The following XKR4 variants were observed in gnomAD, a reference collection of about 807,000 sequenced individuals.
XKR4 encodes the protein XK related 4, also known as XK-related protein 4.
In XKR4, 12 loss-of-function variants were observed where a neutral mutation model predicts 53.9. That is an observed-to-expected ratio of 0.22 (90% confidence interval 0.14 to 0.36). XKR4 has a LOEUF of 0.36. Among genes scored for constraint, XKR4 ranks in the 10% least tolerant of loss-of-function variants. XKR4 has a pLI of 1.00. For missense variants in XKR4, 799 were observed against 859.5 expected, an observed-to-expected ratio of 0.93 and a Z score of 0.88; for synonymous variants, 354 against 362.4, an observed-to-expected ratio of 0.98 and a Z score of 0.26.
At chr8:55,250,945 A>G (rs1222642696) in intron 1 of XKR4, among the ~76,000 whole-genome samples, 2 of 152,218 alleles carry the variant, frequency 1.3e-5, no homozygotes, top group Non-Finnish European at 2.9e-5. Context: ...ATCCTTATCT[A>G]TGGGAGAACC....
intron 1 of XKR4, chr8:55,142,211 G>A (rs1816716298): frequency 2.2e-6 from 1 of 455,822 alleles, no homozygotes; most frequent in Non-Finnish European, 4.4e-6. Context: ...CTGGTCAAAC[G>A]GCAGAACTTC....
chr8:55,469,903 A>C (rs989026289), intron 2 of XKR4, among the ~76,000 whole-genome samples: 1 of 152,124 alleles, frequency 6.6e-6, no homozygotes, highest in African/African-American at 2.4e-5. Flanking sequence ...CCTGCAATGT[A>C]TCATGTACTG....
intron 2 of XKR4, among the ~76,000 whole-genome samples, chr8:55,490,934 C>T (rs561753079): frequency 6.6e-5 from 10 of 151,924 alleles, no homozygotes; most frequent in Admixed American, 3.9e-4. Context: ...TTTTCTGCCC[C>T]CCCCCCACCT....
At chr8:55,421,255 T>C (rs1804924272) in intron 2 of XKR4, among the ~76,000 whole-genome samples, 1 of 149,288 alleles carries the variant, frequency 6.7e-6, no homozygotes, top group Non-Finnish European at 1.5e-5. Context: ...ATCAAACCTC[T>C]GGTAGATTAA....
At chr8:55,151,409 C>T (rs140222431) in intron 1 of XKR4, among the ~76,000 whole-genome samples, 7 of 152,226 alleles carry the variant, frequency 4.6e-5, no homozygotes, top group African/African-American at 7.2e-5. Context: ...CCAATTGTAC[C>T]GCAAACTTCT....
rs369983175 is a variant in XKR4 at position 55,247,855 on chromosome 8, C to CTTTCTTTCTTT, written c.807-109820_807-109819insCTTTCTTTTTT. On this transcript the variant is annotated intron_variant, in intron 1 of 2. Transcript: ENST00000327381. ...TTTCTTTTTCTTTCTTTCTTTCTTTCTTTTTTTTTTTTTTTTTTTGAGACA... is the reference window on the plus strand; with the variant it reads ...TTTCTTTTTCTTTCTTTCTTTCTTTCTTTCTTTCTTTTTTTTTTTTTTTTTTTTTTGAGACA... 2.5e-3 allele frequency among the ~76,000 whole-genome samples: 150 copies of CTTTCTTTCTTT among 59,904 alleles called. 3 individuals carry two copies. The highest frequency in any genetic ancestry group is 6.1e-3 in the African/African-American group (138 of 22,456). The allele number at this position is 59,904 out of a possible 152,430, so 39.3% of individuals were successfully genotyped here.
Position 55,226,638 on chromosome 8 carries a change from A to T in XKR4, c.806+123344A>T, listed in dbSNP as rs539182848. Among the ~76,000 whole-genome samples, 9 of 147,978 alleles carry T rather than the reference A, an allele frequency of 6.1e-5. No homozygotes were observed. The South Asian group carries it at 1.1e-3, about 18-fold the overall frequency. ...GAGGTCCAACAAGCCATCCAGTGTG[A>T]CCTGTCCTACTTTCTAAACACCTCC... On this transcript the variant is annotated intron_variant, in intron 1 of 2. Transcript: ENST00000327381.
chr8:55,412,748 T>C (rs977843114), intron 2 of XKR4, among the ~76,000 whole-genome samples: 2 of 152,256 alleles, frequency 1.3e-5, no homozygotes, highest in Non-Finnish European at 2.9e-5. Context: ...GAGAACACTC[T>C]GAGCTGCTCT....
At position 55,325,100 on chromosome 8, in the gene XKR4, A is replaced by G. The variant is rs143433599; in HGVS notation, c.807-32578A>G. On this transcript the variant is annotated intron_variant, in intron 1 of 2. Transcript: ENST00000327381. Reference sequence around the variant, plus strand: ...GTGCCACAAAATTTATGTGCCACAAAGTAGATGTTAAGTAAATGCATATCA... The same window carrying G: ...GTGCCACAAAATTTATGTGCCACAAGGTAGATGTTAAGTAAATGCATATCA... Among the ~76,000 whole-genome samples the G allele has an allele frequency of 5.0e-3, 755 of 152,312 alleles. 6 individuals carry two copies. Among genetic ancestry groups the G allele is most frequent in the African/African-American group, 0.017 (709 of 41,572 alleles).
chr8:55,182,239 T>C (rs1817320154), intron 1 of XKR4, among the ~76,000 whole-genome samples: 1 of 152,142 alleles, frequency 6.6e-6, no homozygotes, highest in Non-Finnish European at 1.5e-5. Context: ...ACATTCTCTT[T>C]CACAGAGGAA....
intron 1 of XKR4, among the ~76,000 whole-genome samples, chr8:55,318,776 G>A (rs1004231604): frequency 2.6e-5 from 4 of 152,114 alleles, no homozygotes; most frequent in East Asian, 1.9e-4. Flanking sequence ...CATCAGGCAC[G>A]CAACCTCCAG....
intron 1 of XKR4, among the ~76,000 whole-genome samples, chr8:55,232,332 C>A (rs1818053547): frequency 6.6e-6 from 1 of 152,218 alleles, no homozygotes; most frequent in Non-Finnish European, 1.5e-5. Flanking sequence ...TAGCACCCAG[C>A]TGCCAGGCCA....
At chr8:55,487,085 A>G (rs1329061438) in intron 2 of XKR4, among the ~76,000 whole-genome samples, 1 of 152,202 alleles carries the variant, frequency 6.6e-6, no homozygotes, top group Non-Finnish European at 1.5e-5. Flanking sequence ...GCTGGAGACC[A>G]TGGGATGGCT....
At chr8:55,294,630 C>G (rs1045095630) in intron 1 of XKR4, among the ~76,000 whole-genome samples, 1 of 152,216 alleles carries the variant, frequency 6.6e-6, no homozygotes, top group Non-Finnish European at 1.5e-5. Context: ...ACACAACATC[C>G]TGATATGCTT....
At chr8:55,382,801 C>T (rs577049047) in intron 2 of XKR4, among the ~76,000 whole-genome samples, 80 of 152,142 alleles carry the variant, frequency 5.3e-4, no homozygotes, top group Non-Finnish European at 9.1e-4. Context: ...TTTAGGTATA[C>T]GGTCTCATTA....
chr8:55,426,138 C>T (rs1382074785), intron 2 of XKR4, among the ~76,000 whole-genome samples: 5 of 152,182 alleles, frequency 3.3e-5, no homozygotes, highest in Non-Finnish European at 7.3e-5. Flanking sequence ...GTAAGGAAAA[C>T]ACTTCTTCAC....
chr8:55,361,954 A>G (rs1050519586), intron 2 of XKR4, among the ~76,000 whole-genome samples: 3 of 152,084 alleles, frequency 2.0e-5, no homozygotes, highest in Non-Finnish European at 4.4e-5. Flanking sequence ...TTATTTCCAC[A>G]TTAGTATTTC....
At chr8:55,460,026 CA>C in intron 2 of XKR4, among the ~76,000 whole-genome samples, 1 of 101,186 alleles carries the variant, frequency 9.9e-6, no homozygotes, top group African/African-American at 3.2e-5. Flanking sequence ...AAAAAAAAAC[CA>C]AATGTCCATC....
intron 1 of XKR4, among the ~76,000 whole-genome samples, chr8:55,146,938 A>G (rs1325168893): frequency 6.6e-6 from 1 of 152,232 alleles, no homozygotes; most frequent in East Asian, 1.9e-4. Flanking sequence ...TGCACATAGC[A>G]GCCGATGTTG....
Sources: gnomAD v4.1 joint callset for allele counts (sites outside exome capture counted in the v4.1 genomes callset) on GRCh38, gnomAD v4.1.1 for gene constraint, MANE v1.5 for transcripts, NCBI Gene and HGNC (gene_info 2026-07-23, HGNC 2026-07-21) for gene names.